Variants in GGPS1 observed in about 807,000 individuals in gnomAD.
The protein encoded by GGPS1 is geranylgeranyl diphosphate synthase 1, also known as geranylgeranyl pyrophosphate synthase.
In GGPS1, 15 loss-of-function variants were observed where a neutral mutation model predicts 28.1. The ratio of observed to expected loss-of-function variants is 0.53; its 90% CI spans 0.36 to 0.82. GGPS1 has a LOEUF of 0.82. Among genes scored for constraint, GGPS1 ranks in the 40% least tolerant of loss-of-function variants. GGPS1 has a pLI of 0.01. For missense variants in GGPS1, 284 were observed against 348.3 expected, an observed-to-expected ratio of 0.82 and a Z score of 1.47; for synonymous variants, 138 against 122.4, an observed-to-expected ratio of 1.13 and a Z score of -0.84.
At chr1:235,332,003 G>A (rs550559638) in intron 1 of GGPS1, among the ~76,000 whole-genome samples, 6 of 152,308 alleles carry the variant, frequency 3.9e-5, no homozygotes, top group African/African-American at 7.2e-5. Flanking sequence ...TTCTACACTC[G>A]TAATTGTGCT....
At chr1:235,327,880 G>C (rs1278045432), upstream of GGPS1, 1 of 152,758 alleles carries the variant, frequency 6.5e-6, no homozygotes, top group Non-Finnish European at 1.5e-5. Flanking sequence ...GGCGGGTCCA[G>C]CGGCTGCTGA....
At chr1:235,334,011 G>A (rs1675796395) in intron 1 of GGPS1, among the ~76,000 whole-genome samples, 1 of 152,012 alleles carries the variant, frequency 6.6e-6, no homozygotes. Context: ...AACAGTACAG[G>A]GAGACCCTAG....
Position 235,342,065 on chromosome 1 carries a change from A to T in GGPS1, c.196A>T (p.Ile66Phe). 6.2e-7 allele frequency: 1 copy of T among 1,609,340 alleles called. No individual in the cohort carries two copies. The highest frequency in any genetic ancestry group is 8.5e-7 in the Non-Finnish European group (1 of 1,176,232). ...TAATGCCAGTTTACTCATCGATGAT[A>T]TTGAAGACAACTCAAAACTCCGACG... ...LHNASLLIDD[I>F]EDNSKLRRGF... The change falls in exon 4 of 4, where the codon ATT (isoleucine) becomes TTT (phenylalanine). Residue 66 changes from isoleucine to phenylalanine, a missense_variant. Transcript: ENST00000282841.
chr1:235,332,013 T>G (rs1017192764), intron 1 of GGPS1, among the ~76,000 whole-genome samples: 4 of 152,226 alleles, frequency 2.6e-5, no homozygotes, highest in African/African-American at 9.6e-5. Flanking sequence ...GTAATTGTGC[T>G]GGAAAAGTGG....
Position 235,342,272 on chromosome 1 carries a change from A to G in GGPS1, c.403A>G (p.Asn135Asp), listed in dbSNP as rs1676071967. 4 of 1,614,210 alleles carry G rather than the reference A, an allele frequency of 2.5e-6. No homozygotes were observed. Among genetic ancestry groups the G allele is most frequent in the Non-Finnish European group, 3.4e-6 (4 of 1,180,036 alleles). ...AGGCCTAGATATTTACTGGAGGGAT[A>G]ATTACACTTGTCCCACTGAAGAAGA... ...GQGLDIYWRD[N>D]YTCPTEEEYK... The change falls in exon 4 of 4, where the codon AAT becomes GAT. Residue 135 changes from asparagine to aspartate, a missense_variant. Asn to Asp is a conservative substitution (Grantham distance 23). Transcript: ENST00000282841.
rs1195611912 is a variant in GGPS1, at chr1:235,342,647, A to G, written c.778A>G (p.Thr260Ala). The part of the protein sequence containing the change: ...YLEDVGSFEY[T>A]RNTLKELEAK... Reference sequence around the variant, plus strand: ...TGAGGATGTAGGTTCTTTTGAATACACTCGTAATACCCTTAAAGAGCTTGA... The same window carrying G: ...TGAGGATGTAGGTTCTTTTGAATACGCTCGTAATACCCTTAAAGAGCTTGA... Residue 260 changes from threonine to alanine, a missense_variant, in exon 4 of 4, where the codon ACT becomes GCT. Thr to Ala is a moderately conservative substitution (Grantham distance 58, BLOSUM62 0). Transcript: ENST00000282841. 1.2e-6 allele frequency: 2 copies of G among 1,611,446 alleles called. No individual in the cohort carries two copies. The highest frequency in any genetic ancestry group is 1.3e-5 in the African/African-American group (1 of 74,886).
intron 1 of GGPS1, 176 bp downstream of exon 1, chr1:235,328,954 A>T (rs950635344): frequency 4.6e-5 from 7 of 152,730 alleles, no homozygotes; most frequent in Admixed American, 3.3e-4. Context: ...AGGGTTGGCC[A>T]AGTGGGGCGG....
Position 235,336,168 on chromosome 1 carries a change from G to A in GGPS1, c.70+834G>A, listed in dbSNP as rs189016547. Among the ~76,000 whole-genome samples the A allele has an allele frequency of 3.1e-4, 47 of 152,250 alleles. No individual in the cohort carries two copies. The East Asian group carries it at 6.4e-3, about 21-fold the overall frequency. ...AGCACTTTTTGAGGCCAAGGCGGGC[G>A]GATCATGAGGTCAAGAGGTTGAGAC... On this transcript the variant is annotated intron_variant, in intron 2 of 3. Coordinates refer to ENST00000282841, the MANE Select transcript of GGPS1 (RefSeq NM_004837.4).
At position 235,343,934 on chromosome 1, in the gene GGPS1, T is replaced by TG. The variant is rs1278968911; in HGVS notation, c.*1163dup. 6.0e-6 allele frequency: 1 copy of TG among 166,988 alleles called. No homozygotes were observed. The highest frequency in any genetic ancestry group is 1.5e-5 in the Non-Finnish European group (1 of 68,110). 10.3% of individuals were successfully genotyped at this position (166,988 alleles called of 1,614,324 possible). ...TCCCGCCCACATCACCACCCCGACT[T>TG]GAAGACAGTAGGTGCTTGAATGGAA... is the stretch of plus-strand genomic sequence containing the variant. On this transcript the variant is annotated 3_prime_UTR_variant, in exon 4 of 4. Transcript: ENST00000282841.
intron 1 of GGPS1, among the ~76,000 whole-genome samples, chr1:235,334,040 T>G (rs1454805319): frequency 2.0e-5 from 3 of 152,158 alleles, no homozygotes; most frequent in African/African-American, 7.2e-5. Context: ...TGAGTGTTAT[T>G]CTAGGAAATA....
intron 1 of GGPS1, chr1:235,329,660 G>A (rs1180542385): frequency 6.6e-6 from 1 of 152,308 alleles, no homozygotes; most frequent in Non-Finnish European, 1.5e-5. Flanking sequence ...GGAGAGATGG[G>A]ATGAGGGGGA....
intron 1 of GGPS1, among the ~76,000 whole-genome samples, chr1:235,334,947 A>T (rs1041215060): frequency 1.2e-4 from 18 of 151,724 alleles, no homozygotes; most frequent in African/African-American, 4.4e-4. Context: ...CTGGTCTCGA[A>T]CTCCTGACCT....
At chr1:235,327,349 G>A (rs1675371020), upstream of GGPS1, 1 of 153,130 alleles carries the variant, frequency 6.5e-6, no homozygotes, top group African/African-American at 2.4e-5. Context: ...GTCCGAGCGA[G>A]AGGCCGGCCG....
chr1:235,333,067 CAA>C (rs5781828), intron 1 of GGPS1, among the ~76,000 whole-genome samples: 588 of 43,242 alleles, frequency 0.014, 2 homozygotes, highest in Middle Eastern at 0.058. Context: ...GACTCCGTCT[CAA>C]AAAAAAAAAA....
intron 2 of GGPS1, among the ~76,000 whole-genome samples, chr1:235,340,425 CAG>C (rs1230371435): frequency 1.3e-5 from 2 of 151,160 alleles, no homozygotes; most frequent in South Asian, 2.1e-4. Flanking sequence ...GCCTGGGTGA[CAG>C]AGTGAGACCC....
At chr1:235,341,892 G>A in intron 3 of GGPS1, 114 bp downstream of exon 3, 1 of 867,352 alleles carries the variant, frequency 1.2e-6, no homozygotes, top group Non-Finnish European at 1.8e-6. Context: ...TTTATATTGA[G>A]GTTGCTAAAT....
At position 235,342,360 on chromosome 1, in the gene GGPS1, AGTT is replaced by A; in HGVS notation, c.495_497del (p.Leu165del). The A allele has an allele frequency of 6.2e-7, 1 of 1,614,082 alleles. No homozygotes were observed. The highest frequency in any genetic ancestry group is 8.5e-7 in the Non-Finnish European group (1 of 1,179,884). ...TTTGGATTAGCAGTAGGTCTCATGC[AGTT>A]GTTCTCTGATTACAAAGAAGATTTA... On this transcript the variant is annotated inframe_deletion, in exon 4 of 4. Coordinates refer to ENST00000282841, the MANE Select transcript of GGPS1 (RefSeq NM_004837.4).
intron 1 of GGPS1, chr1:235,330,654 A>G (rs1675684318): frequency 6.6e-6 from 1 of 152,248 alleles, no homozygotes; most frequent in Non-Finnish European, 1.5e-5. Context: ...TTTTTAAAGC[A>G]TAATTAGTGT....
rs1676100716 is a variant in GGPS1 at position 235,343,068 on chromosome 1, C to T, written c.*296C>T. 4.5e-6 allele frequency: 1 copy of T among 223,900 alleles called. No homozygotes were observed. Among genetic ancestry groups the T allele is most frequent in the Non-Finnish European group, 9.4e-6 (1 of 106,170 alleles). The allele number at this position is 223,900 out of a possible 1,614,324, so 13.9% of individuals were successfully genotyped here. ...TACTACCATCAATGTTGTGTTTATT[C>T]CGTCAATAAAAAAGACTTGCTTCCA... is the stretch of plus-strand genomic sequence containing the variant. On this transcript the variant is annotated 3_prime_UTR_variant, in exon 4 of 4. Transcript: ENST00000282841.
Sources: gnomAD v4.1 joint callset for allele counts (sites outside exome capture counted in the v4.1 genomes callset) on GRCh38, gnomAD v4.1.1 for gene constraint, MANE v1.5 for transcripts, NCBI Gene and HGNC (gene_info 2026-07-23, HGNC 2026-07-21) for gene names.